UNC93A: variants seen among roughly 807,000 people sequenced by gnomAD.
UNC93A encodes the protein N-acetylglucosamine transporter UNC93A.
In UNC93A, 43 loss-of-function variants were observed where a neutral mutation model predicts 47.5. That is an observed-to-expected ratio of 0.91 (90% CI 0.71 to 1.17). The LOEUF is 1.17. Among genes scored for constraint, UNC93A ranks in the 50% most tolerant of loss-of-function variants. The pLI, the probability that UNC93A is intolerant of heterozygous loss-of-function variation, is 0.00. For missense variants in UNC93A, 605 were observed against 577.6 expected (o/e 1.05, Z -0.49); for synonymous variants, 280 against 258.0 (o/e 1.09, Z -0.82).
upstream of UNC93A, among the ~76,000 whole-genome samples, chr6:167,270,556 G>A (rs927723309): frequency 2.0e-5 from 3 of 152,066 alleles, no homozygotes; most frequent in East Asian, 5.8e-4. Context: ...GTTGTGGGTT[G>A]AGTTGCATCC....
chr6:167,280,079 T>C (rs2346167), intron 1 of UNC93A, among the ~76,000 whole-genome samples: 1 of 152,208 alleles, frequency 6.6e-6, no homozygotes, highest in African/African-American at 2.4e-5. Flanking sequence ...CTTTAGTTCC[T>C]ATCACTGGCC....
chr6:167,276,181 G>A (rs1346682376), intron 1 of UNC93A, among the ~76,000 whole-genome samples: 1 of 151,572 alleles, frequency 6.6e-6, no homozygotes, highest in African/African-American at 2.4e-5. Flanking sequence ...CACAATGACA[G>A]GGTTTTATTC....
chr6:167,282,676 G>C (rs1783652950), intron 1 of UNC93A, among the ~76,000 whole-genome samples: 1 of 152,288 alleles, frequency 6.6e-6, no homozygotes, highest in Non-Finnish European at 1.5e-5. Context: ...ACTTTGTAAA[G>C]TATTAGAAAA....
intron 1 of UNC93A, among the ~76,000 whole-genome samples, chr6:167,283,522 G>A (rs771755525): frequency 1.3e-4 from 20 of 152,292 alleles, no homozygotes; most frequent in Non-Finnish European, 2.1e-4. Context: ...TTGGTCTACA[G>A]TTATCTGAAA....
chr6:167,279,983 G>A (rs900794102), intron 1 of UNC93A, among the ~76,000 whole-genome samples: 13 of 152,190 alleles, frequency 8.5e-5, no homozygotes, highest in Non-Finnish European at 1.9e-4. Flanking sequence ...TTCACTGTGA[G>A]ATTGTGTAAT....
At chr6:167,274,908 T>C (rs996510922) in intron 1 of UNC93A, among the ~76,000 whole-genome samples, 1 of 152,236 alleles carries the variant, frequency 6.6e-6, no homozygotes, top group Non-Finnish European at 1.5e-5. Context: ...GGCTCATTCC[T>C]TGACCTTCTT....
At chr6:167,293,609 G>A (rs922432179) in intron 1 of UNC93A, among the ~76,000 whole-genome samples, 5 of 152,088 alleles carry the variant, frequency 3.3e-5, no homozygotes, top group African/African-American at 1.2e-4. Context: ...GGTTGGCTTC[G>A]CTCTCAGGCC....
intron 4 of UNC93A, among the ~76,000 whole-genome samples, chr6:167,302,120 G>A (rs1277593035): frequency 1.3e-5 from 2 of 152,164 alleles, no homozygotes; most frequent in Non-Finnish European, 1.5e-5. Flanking sequence ...ATTTCTAGGT[G>A]GAACCACATT....
chr6:167,310,601 C>T (rs1778530324), intron 7 of UNC93A, among the ~76,000 whole-genome samples: 1 of 152,218 alleles, frequency 6.6e-6, no homozygotes, highest in East Asian at 1.9e-4. Context: ...ACCAAACTGG[C>T]CGGGTGCGGT....
At position 167,291,343 on chromosome 6, in the gene UNC93A, C is replaced by G. The variant is rs555647897; in HGVS notation, c.-147C>G. On this transcript the variant is annotated 5_prime_UTR_variant, in exon 1 of 8. Coordinates refer to ENST00000230256, the MANE Select transcript of UNC93A (RefSeq NM_018974.4). ...AACGAGTGACAGTCTTAATGACTAA[C>G]ACACCTCTAACATTTCACCTCTAGC... 4.9e-5 allele frequency: 30 copies of G among 613,744 alleles called. No individual in the cohort carries two copies. The African/African-American group carries it at 5.6e-4, about 11-fold the overall frequency. The allele number at this position is 613,744 out of a possible 1,614,324, so 38.0% of individuals were successfully genotyped here.
In UNC93A at chr6:167,271,612, A is replaced by G. The variant is rs185013819; in HGVS notation, c.-52+154A>G. Among the ~76,000 whole-genome samples the G allele has an allele frequency of 9.9e-4, 151 of 152,240 alleles. 1 individual carries two copies. Among genetic ancestry groups the G allele is most frequent in the Non-Finnish European group, 1.4e-3 (95 of 68,020 alleles). ...CTTATCTATCATAAGTGGGACACAC[A>G]TATGGGAGGAAAAGTTTCCTTTTCC... On this transcript the variant is annotated intron_variant, in intron 1 of 3. Transcript: ENST00000503433.
chr6:167,274,767 T>C (rs543282779), intron 1 of UNC93A, among the ~76,000 whole-genome samples: 3 of 152,230 alleles, frequency 2.0e-5, no homozygotes, highest in African/African-American at 7.2e-5. Context: ...CATGCAGAGC[T>C]TCCATGCCCT....
rs144825968 is a variant in UNC93A at position 167,298,920 on chromosome 6, C to T, written c.625+850C>T. ...CTTGAGGTCAGGAGTTCGAGACCAGCCTGGCCAACATGGTGAAACCCCATT... is the reference window on the plus strand; with the variant it reads ...CTTGAGGTCAGGAGTTCGAGACCAGTCTGGCCAACATGGTGAAACCCCATT... On this transcript the variant is annotated intron_variant, in intron 4 of 7. Transcript: ENST00000230256. Among the ~76,000 whole-genome samples, 1,140 of 151,700 alleles carry T rather than the reference C, an allele frequency of 7.5e-3. 18 individuals carry two copies. Among genetic ancestry groups the T allele is most frequent in the African/African-American group, 0.027 (1,104 of 41,370 alleles).
At chr6:167,291,285 T>A, upstream of UNC93A, 2 of 447,648 alleles carry the variant, frequency 4.5e-6, no homozygotes, top group Non-Finnish European at 7.9e-6. Context: ...AGCTCCCGTA[T>A]GCTTCATGGG....
chr6:167,310,328 A>T (rs1405495538), intron 7 of UNC93A, among the ~76,000 whole-genome samples: 1 of 152,412 alleles, frequency 6.6e-6, no homozygotes, highest in African/African-American at 2.4e-5. Context: ...AATGAATGTG[A>T]TCATTCATAT....
At chr6:167,310,561 A>G (rs1778528916) in intron 7 of UNC93A, among the ~76,000 whole-genome samples, 1 of 152,266 alleles carries the variant, frequency 6.6e-6, no homozygotes, top group Non-Finnish European at 1.5e-5. Context: ...GTCTTTCTGT[A>G]CAGGAAAAAG....
At chr6:167,271,168 T>G (rs145999613), upstream of UNC93A, 2 of 152,194 alleles carry the variant, frequency 1.3e-5, no homozygotes, top group African/African-American at 2.4e-5. Context: ...GTGCTTCTGC[T>G]GAGGGCCAGA....
chr6:167,270,071 G>GGGC (rs1783426731), upstream of UNC93A, among the ~76,000 whole-genome samples: 1 of 137,166 alleles, frequency 7.3e-6, no homozygotes, highest in African/African-American at 2.6e-5. Flanking sequence ...GGTGGGGGGG[G>GGGC]GGCGTTCACA....
upstream of UNC93A, among the ~76,000 whole-genome samples, chr6:167,289,453 A>T (rs574361308): frequency 2.0e-5 from 3 of 152,220 alleles, no homozygotes; most frequent in East Asian, 5.8e-4. Context: ...GGAGGAAAAG[A>T]GAGAAAAAGC....
Sources: allele counts gnomAD v4.1 joint callset (sites outside exome capture counted in the v4.1 genomes callset), GRCh38; gene constraint gnomAD v4.1.1; transcripts MANE v1.5; gene names NCBI Gene and HGNC (gene_info 2026-07-23, HGNC 2026-07-21).